NOL4L: variants seen among roughly 807,000 people sequenced by gnomAD.
NOL4L encodes nucleolar protein 4 like.
Under a neutral mutation model 64.5 loss-of-function variants are expected in NOL4L, and 7 were observed. That is an observed-to-expected ratio of 0.11 (90% confidence interval 0.06 to 0.20). NOL4L has a LOEUF of 0.20. Among genes scored for constraint, NOL4L ranks in the 10% least tolerant of loss-of-function variants. The pLI, the probability that NOL4L is intolerant of heterozygous loss-of-function variation, is 1.00. For synonymous variants in NOL4L, 413 were observed against 401.0 expected (o/e 1.03, Z -0.36); for missense variants, 680 against 967.1 (o/e 0.70, Z 3.94).
At chr20:32,534,808 G>A (rs186176230) in intron 1 of NOL4L, among the ~76,000 whole-genome samples, 2 of 151,794 alleles carry the variant, frequency 1.3e-5, no homozygotes, top group East Asian at 3.9e-4. Context: ...TTGAGCCTGG[G>A]GAGGTGTAGG....
At chr20:32,458,764 C>A (rs1555132) in intron 5 of NOL4L, among the ~76,000 whole-genome samples, 68,224 of 152,160 alleles carry the variant, frequency 0.45, 16,582 homozygotes, top group East Asian at 0.96. Context: ...TGGTCACTGC[C>A]TTCATCACAG....
intron 10 of NOL4L, among the ~76,000 whole-genome samples, chr20:32,448,949 G>A (rs1568586812): frequency 1.3e-5 from 2 of 152,190 alleles, no homozygotes; most frequent in South Asian, 2.1e-4. Context: ...CTGAGATGCC[G>A]GCTGTGAAAC....
intron 1 of NOL4L, among the ~76,000 whole-genome samples, chr20:32,529,358 AG>A (rs1029691808): frequency 2.6e-5 from 4 of 152,192 alleles, no homozygotes; most frequent in Non-Finnish European, 4.4e-5. Context: ...TGTTTCCCCC[AG>A]GTATGAGAGA....
At chr20:32,542,587 CAA>C (rs1197796824) in intron 1 of NOL4L, among the ~76,000 whole-genome samples, 1 of 152,112 alleles carries the variant, frequency 6.6e-6, no homozygotes, top group Non-Finnish European at 1.5e-5. Context: ...CTACTGGGCT[CAA>C]GAGATCCTCC....
In NOL4L at chr20:32,501,857, C is replaced by T. The variant is rs551509215; in HGVS notation, c.699+9490G>A. On this transcript the variant is annotated intron_variant, in intron 4 of 10. Transcript: ENST00000621426. ...GGCAATATCAAAAGAGAGAGAGCTA[C>T]GGATGGGGAAAAGGAGGCAATGACT... Among the ~76,000 whole-genome samples the T allele has an allele frequency of 9.2e-5, 14 of 151,968 alleles. No individual in the cohort carries two copies. In the East Asian group the frequency reaches 1.6e-3, roughly 17 times the overall value.
chr20:32,559,549 T>A (rs1056529461), intron 1 of NOL4L, among the ~76,000 whole-genome samples: 3 of 152,212 alleles, frequency 2.0e-5, no homozygotes, highest in African/African-American at 7.2e-5. Flanking sequence ...GAGGTAGGAA[T>A]GTTATTACGT....
At chr20:32,539,361 C>T (rs572401997) in intron 1 of NOL4L, among the ~76,000 whole-genome samples, 15 of 152,216 alleles carry the variant, frequency 9.9e-5, no homozygotes, top group South Asian at 8.3e-4. Context: ...AAGTTGGGCA[C>T]GGGGGCATGA....
intron 4 of NOL4L, among the ~76,000 whole-genome samples, chr20:32,493,202 C>T (rs922885627): frequency 5.3e-5 from 8 of 152,174 alleles, no homozygotes; most frequent in Admixed American, 3.3e-4. Context: ...CCTCCACAGG[C>T]TGTGGGGGTG....
chr20:32,561,645 C>G (rs1462548876), intron 1 of NOL4L, among the ~76,000 whole-genome samples: 3 of 152,090 alleles, frequency 2.0e-5, no homozygotes, highest in African/African-American at 7.2e-5. Flanking sequence ...CAGGGTTGGG[C>G]TTGGGGACAG....
chr20:32,513,757 C>T (rs563498348), intron 3 of NOL4L, among the ~76,000 whole-genome samples: 24 of 151,826 alleles, frequency 1.6e-4, no homozygotes, highest in African/African-American at 4.1e-4. Context: ...CCCAGCTACT[C>T]GGGAGGCTGA....
chr20:32,453,172 C>T lies in NOL4L; in HGVS notation c.1497+132G>A, dbSNP rs1209848812. The T allele has an allele frequency of 8.5e-6, 12 of 1,411,566 alleles. No individual in the cohort carries two copies. Among genetic ancestry groups the T allele is most frequent in the Non-Finnish European group, 1.2e-5 (12 of 1,043,270 alleles). The allele number at this position is 1,411,566 out of a possible 1,614,324, so 87.4% of individuals were successfully genotyped here. A position where few individuals can be genotyped will look rare whatever the true frequency, so the allele number is the denominator to read the frequency against. ...GGGCCTTAGTTCCCTCATTTGCAAACCAGGGATTATGGTACTTGCTTCCAG... is the reference window on the plus strand; with the variant it reads ...GGGCCTTAGTTCCCTCATTTGCAAATCAGGGATTATGGTACTTGCTTCCAG... On this transcript the variant is annotated intron_variant, in intron 8 of 10. Coordinates refer to ENST00000621426, the MANE Select transcript of NOL4L (RefSeq NM_001256798.2). The surrounding 1 kb of genome is among the most constrained non-coding windows in gnomAD (Gnocchi z 5.6).
chr20:32,535,839 G>C, intron 1 of NOL4L: 2 of 985,580 alleles, frequency 2.0e-6, no homozygotes, highest in Non-Finnish European at 2.4e-6. Context: ...GGGAAATGCA[G>C]ATCCGAATGA....
intron 1 of NOL4L, among the ~76,000 whole-genome samples, chr20:32,580,282 G>A (rs1365500815): frequency 6.6e-6 from 1 of 152,138 alleles, no homozygotes; most frequent in Non-Finnish European, 1.5e-5. Flanking sequence ...TCAGCCCAGT[G>A]ACAGGCACAC....
intron 1 of NOL4L, among the ~76,000 whole-genome samples, chr20:32,575,426 CT>C (rs1319346678): frequency 6.6e-6 from 1 of 151,918 alleles, no homozygotes; most frequent in African/African-American, 2.4e-5. Flanking sequence ...TCCCTATGCT[CT>C]GCTCTTGCTG....
intron 1 of NOL4L, among the ~76,000 whole-genome samples, chr20:32,554,453 AAC>A (rs1978525582): frequency 6.6e-6 from 1 of 152,174 alleles, no homozygotes; most frequent in African/African-American, 2.4e-5. Context: ...AGACCCAGCA[AAC>A]ACCTCCCCAA....
chr20:32,521,944 G>A (rs1165226846), intron 2 of NOL4L, among the ~76,000 whole-genome samples: 1 of 152,260 alleles, frequency 6.6e-6, no homozygotes, highest in Admixed American at 6.5e-5. Flanking sequence ...AGCCGGGCTG[G>A]GAAAGTTGGC....
chr20:32,496,137 C>T (rs943769784), intron 4 of NOL4L, among the ~76,000 whole-genome samples: 12 of 152,114 alleles, frequency 7.9e-5, no homozygotes, highest in African/African-American at 1.2e-4. Context: ...CCTTTGAAGA[C>T]GGCTCCCAGG....
chr20:32,558,746 T>C (rs1173848356), intron 1 of NOL4L, among the ~76,000 whole-genome samples: 5 of 152,082 alleles, frequency 3.3e-5, no homozygotes, highest in African/African-American at 9.7e-5. Context: ...GGCTGTGGTA[T>C]GGAGTCTGGT....
intron 4 of NOL4L, among the ~76,000 whole-genome samples, chr20:32,487,667 C>T (rs368304915): frequency 4.2e-4 from 64 of 152,202 alleles, no homozygotes; most frequent in African/African-American, 1.4e-3. Context: ...GAACATCCCC[C>T]GTGAGGTGTG....
Sources: gnomAD v4.1 joint callset for allele counts (sites outside exome capture counted in the v4.1 genomes callset) on GRCh38, gnomAD v4.1.1 for gene constraint, Gnocchi (gnomAD v3.1) non-coding constraint, MANE v1.5 for transcripts, NCBI Gene and HGNC (gene_info 2026-07-23, HGNC 2026-07-21) for gene names.